Variants in OR2V2 observed in about 807,000 individuals in gnomAD.
The protein encoded by OR2V2 is olfactory receptor 2V2.
For missense variants in OR2V2, 392 were observed against 392.2 expected (o/e 1.00, Z 0.00); for synonymous variants, 161 against 151.3 (o/e 1.06, Z -0.47).
At chr5:181,153,711 A>C (rs1763220972) in intron 1 of OR2V2, among the ~76,000 whole-genome samples, 1 of 152,148 alleles carries the variant, frequency 6.6e-6, no homozygotes, top group South Asian at 2.1e-4. Flanking sequence ...TTCTTGGCTA[A>C]ATATCAAGGG....
At chr5:181,154,160 G>A (rs1763226224) in intron 1 of OR2V2, among the ~76,000 whole-genome samples, 1 of 152,152 alleles carries the variant, frequency 6.6e-6, no homozygotes, top group Non-Finnish European at 1.5e-5. Flanking sequence ...TCAGAACATA[G>A]AGAGAGACTC....
In OR2V2 at chr5:181,155,121, T is replaced by C. The variant is rs751129760; in HGVS notation, c.179T>C (p.Met60Thr). Reference sequence around the variant, plus strand: ...ATGGACCCTCACCTTCACACCCCCATGTACTTCTTCCTCAGCCAGCTCTCC... The same window carrying C: ...ATGGACCCTCACCTTCACACCCCCACGTACTTCTTCCTCAGCCAGCTCTCC... Reference protein sequence around the residue: ...IYMDPHLHTPMYFFLSQLSLM... With the variant: ...IYMDPHLHTPTYFFLSQLSLM... Residue 60 changes from methionine to threonine, a missense_variant, in exon 2 of 2, where the codon ATG becomes ACG. Physicochemically the swap from Met to Thr is moderately conservative, Grantham distance 81. Transcript: ENST00000641492. The C allele has an allele frequency of 1.2e-6, 2 of 1,614,204 alleles. No homozygotes were observed. The highest frequency in any genetic ancestry group is 1.7e-6 in the Non-Finnish European group (2 of 1,180,028).
In OR2V2 at chr5:181,155,360, A is replaced by T. The variant is rs1195903735; in HGVS notation, c.418A>T (p.Arg140Trp). ...PLHYPILMNQ[R>W]VCLQITGSSW... ...TCACTATCCCATCCTCATGAATCAGAGGGTCTGTCTCCAGATTACTGGGAG... is the reference window on the plus strand; with the variant it reads ...TCACTATCCCATCCTCATGAATCAGTGGGTCTGTCTCCAGATTACTGGGAG... Residue 140 changes from arginine (R) to tryptophan (W), a missense_variant, in exon 2 of 2, where the codon AGG (arginine) becomes TGG (tryptophan). Physicochemically the swap from Arg to Trp is moderately radical, Grantham distance 101. Coordinates refer to ENST00000641492, the MANE Select transcript of OR2V2 (RefSeq NM_206880.2). 1.2e-6 allele frequency: 2 copies of T among 1,613,982 alleles called. No homozygotes were observed. Among genetic ancestry groups the T allele is most frequent in the East Asian group, 2.2e-5 (1 of 44,892 alleles).
At position 181,156,002 on chromosome 5, in the gene OR2V2, C is replaced by A; in HGVS notation, c.*112C>A. ...CTCGTGAATTATGATGATTGTGACA[C>A]CCTCAGACTTGGAAGGTCTTTTTAA... On this transcript the variant is annotated 3_prime_UTR_variant, in exon 2 of 2. Transcript: ENST00000641492. 2.1e-6 allele frequency: 2 copies of A among 934,834 alleles called. No individual in the cohort carries two copies. Among genetic ancestry groups the A allele is most frequent in the African/African-American group, 1.7e-5 (1 of 58,006 alleles). The allele number at this position is 934,834 out of a possible 1,614,324, so 57.9% of individuals were successfully genotyped here.
chr5:181,149,237 G>A (rs771521634), intron 1 of OR2V2, among the ~76,000 whole-genome samples: 1 of 152,116 alleles, frequency 6.6e-6, no homozygotes, highest in African/African-American at 2.4e-5. Flanking sequence ...AGGGTCAGGG[G>A]TGGATATGTG....
chr5:181,154,054 T>G (rs1763224798), intron 1 of OR2V2, among the ~76,000 whole-genome samples: 1 of 152,170 alleles, frequency 6.6e-6, no homozygotes, highest in South Asian at 2.1e-4. Flanking sequence ...AATGACACCG[T>G]CCATCGCAAC....
In OR2V2 at chr5:181,155,827, C is replaced by T. The variant is rs770540276; in HGVS notation, c.885C>T (p.Asn295=). The T allele has an allele frequency of 1.2e-6, 2 of 1,614,178 alleles. No individual in the cohort carries two copies. The highest frequency in any genetic ancestry group is 1.7e-5 in the Admixed American group (1 of 60,016). ...MLNPLIYSLR[N]REVMGALRKG... is the part of the protein sequence containing the mutation. ...ACCCCCTCATTTACAGCTTGAGGAA[C>T]AGGGAGGTGATGGGGGCACTGAGGA... Residue 295 remains asparagine (N), a synonymous_variant, in exon 2 of 2, where the codon AAC becomes AAT. Coordinates refer to ENST00000641492, the MANE Select transcript of OR2V2 (RefSeq NM_206880.2).
At chr5:181,154,385 C>T (rs910471450) in intron 1 of OR2V2, among the ~76,000 whole-genome samples, 12 of 152,170 alleles carry the variant, frequency 7.9e-5, no homozygotes, top group Admixed American at 1.3e-4. Context: ...GTCAGGAGAT[C>T]GAGAGCATCC....
Position 181,156,273 on chromosome 5 carries a change from T to G in OR2V2, c.*383T>G, listed in dbSNP as rs963315834. On this transcript the variant is annotated 3_prime_UTR_variant, in exon 2 of 2. Coordinates refer to ENST00000641492, the MANE Select transcript of OR2V2 (RefSeq NM_206880.2). ...GGTGCGTGCCCCACACCTGACTAAT[T>G]TTTTAGTAAGGGATCCACTATTGTT... 5.5e-6 allele frequency: 1 copy of G among 180,686 alleles called. No homozygotes were observed. The highest frequency in any genetic ancestry group is 1.2e-5 in the Non-Finnish European group (1 of 86,576). 11.2% of individuals were successfully genotyped at this position (180,686 alleles called of 1,614,324 possible).
rs1214410772 is a variant in OR2V2, at chr5:181,156,718, C to G, written c.*828C>G. The G allele has an allele frequency of 6.6e-6, 1 of 152,232 alleles. No homozygotes were observed. The allele number at this position is 152,232 out of a possible 1,614,324, so 9.4% of individuals were successfully genotyped here. On this transcript the variant is annotated 3_prime_UTR_variant, in exon 2 of 2. Transcript: ENST00000641492. ...TGCATGATGTTTATATGATGTCTCA[C>G]AACAGTTGTAGCCCAACCCTAGGGT...
chr5:181,153,178 G>A (rs1188226608), intron 1 of OR2V2, among the ~76,000 whole-genome samples: 5 of 152,342 alleles, frequency 3.3e-5, no homozygotes, highest in East Asian at 3.9e-4. Context: ...GGGTGAGAGC[G>A]TGACGCCAGT....
intron 1 of OR2V2, among the ~76,000 whole-genome samples, chr5:181,151,446 G>A (rs916979276): frequency 3.9e-5 from 6 of 152,190 alleles, no homozygotes; most frequent in African/African-American, 1.4e-4. Context: ...AGGCTGTACT[G>A]ACCCCAGCTG....
In OR2V2 at chr5:181,156,068, T is replaced by TTCTTTCTTTCTTTCTTTCTTTCTC; in HGVS notation, c.*183_*184insCTTTCTTTCTTTCTTTCTCTCTTT. ...TTTCTTTCTTTCTTTCTTTCTTTCT[T>TTCTTTCTTTCTTTCTTTCTTTCTC]TCTTTTGTTCTTTCTTTCGTTCTTT... On this transcript the variant is annotated 3_prime_UTR_variant, in exon 2 of 2. Coordinates refer to ENST00000641492, the MANE Select transcript of OR2V2 (RefSeq NM_206880.2). 2.1e-6 allele frequency: 1 copy of TTCTTTCTTTCTTTCTTTCTTTCTC among 470,690 alleles called. No individual in the cohort carries two copies. Among genetic ancestry groups the TTCTTTCTTTCTTTCTTTCTTTCTC allele is most frequent in the Admixed American group, 4.2e-5 (1 of 23,852 alleles). 29.2% of individuals were successfully genotyped at this position (470,690 alleles called of 1,614,324 possible). A position where few individuals can be genotyped will look rare whatever the true frequency, so the allele number is the denominator to read the frequency against.
At chr5:181,154,005 T>C (rs768311273) in intron 1 of OR2V2, among the ~76,000 whole-genome samples, 4 of 152,192 alleles carry the variant, frequency 2.6e-5, no homozygotes, top group Non-Finnish European at 4.4e-5. Flanking sequence ...CTTCACCTCA[T>C]TGGCCCTGTG....
In OR2V2 at chr5:181,155,055, T is replaced by C. The variant is rs967967882; in HGVS notation, c.113T>C (p.Val38Ala). Reference protein sequence around the residue: ...LFSVVMAVFTVALCGNVLLIF... With the variant: ...LFSVVMAVFTAALCGNVLLIF... ...TCCGTGGTTATGGCGGTCTTCACAG[T>C]GGCCCTCTGTGGGAATGTCCTCCTC... The change falls in exon 2 of 2, where the codon GTG becomes GCG. Residue 38 changes from valine to alanine, a missense_variant. By Grantham distance (64) the Val-to-Ala change is moderately conservative. Transcript: ENST00000641492. 1.2e-5 allele frequency: 19 copies of C among 1,613,998 alleles called. No homozygotes were observed. The highest frequency in any genetic ancestry group is 1.4e-5 in the Non-Finnish European group (17 of 1,180,000).
chr5:181,148,331 T>C (rs549870458), intron 1 of OR2V2, among the ~76,000 whole-genome samples: 7 of 152,000 alleles, frequency 4.6e-5, no homozygotes, highest in Admixed American at 6.6e-5. Flanking sequence ...AAGACAAGGA[T>C]GGATGTGTGG....
At chr5:181,151,397 C>T (rs1363288282) in intron 1 of OR2V2, among the ~76,000 whole-genome samples, 3 of 152,164 alleles carry the variant, frequency 2.0e-5, no homozygotes, top group African/African-American at 4.8e-5. Context: ...GCGATGCCTT[C>T]GCCCTCAGTC....
rs1403704848 is a variant in OR2V2 at position 181,159,243 on chromosome 5, T to A, written c.*3353T>A. ...AGCGAAACCCCATCTCTAGAACAAT[T>A]AAAAATAAAACATGAATTTTAAATT... On this transcript the variant is annotated 3_prime_UTR_variant, in exon 2 of 2. Coordinates refer to ENST00000641492, the MANE Select transcript of OR2V2 (RefSeq NM_206880.2). The A allele has an allele frequency of 1.3e-5, 2 of 152,156 alleles. No homozygotes were observed. The highest frequency in any genetic ancestry group is 4.8e-5 in the African/African-American group (2 of 41,430). 9.4% of individuals were successfully genotyped at this position (152,156 alleles called of 1,614,324 possible). A position where few individuals can be genotyped will look rare whatever the true frequency, so the allele number is the denominator to read the frequency against.
At chr5:181,149,058 T>G (rs188486887) in intron 1 of OR2V2, among the ~76,000 whole-genome samples, 162 of 152,226 alleles carry the variant, frequency 1.1e-3, no homozygotes, top group African/African-American at 3.8e-3. Context: ...CTCTGGAAGT[T>G]GTTTGGCTTT....
Sources: allele counts gnomAD v4.1 joint callset (sites outside exome capture counted in the v4.1 genomes callset), GRCh38; gene constraint gnomAD v4.1.1; transcripts MANE v1.5; gene names NCBI Gene and HGNC (gene_info 2026-07-23, HGNC 2026-07-21).